Variants in IL17D observed in about 807,000 individuals in gnomAD.
IL17D encodes interleukin-17D.
IL17D carries 10 observed loss-of-function variants against 5.7 expected under a neutral mutation model. The ratio of observed to expected loss-of-function variants is 1.75; its 90% CI spans 1.08 to 2.97. The LOEUF is 2.97. IL17D is among the 30% of genes most tolerant of loss of function. IL17D has a pLI of 0.00. For synonymous variants in IL17D, 172 were observed against 141.7 expected (o/e 1.21, Z -1.52); for missense variants, 354 against 292.7 (o/e 1.21, Z -1.53).
intron 1 of IL17D, among the ~76,000 whole-genome samples, chr13:20,706,567 A>G (rs1313296941): frequency 6.6e-6 from 1 of 152,248 alleles, no homozygotes; most frequent in Non-Finnish European, 1.5e-5. Flanking sequence ...ACTTAGGAAC[A>G]AGTGTTGTGG....
chr13:20,706,525 G>A (rs1167240867), intron 1 of IL17D, among the ~76,000 whole-genome samples: 6 of 152,266 alleles, frequency 3.9e-5, no homozygotes, highest in Non-Finnish European at 2.9e-5. Flanking sequence ...GGCTTGGGTT[G>A]TTGATGGTAT....
Position 20,716,480 on chromosome 13 carries a change from GA to G in IL17D, c.291-5152del, listed in dbSNP as rs2058680166. Among the ~76,000 whole-genome samples, 1 of 152,182 alleles carries G rather than the reference GA, an allele frequency of 6.6e-6. No individual in the cohort carries two copies. The highest frequency in any genetic ancestry group is 2.1e-4 in the South Asian group (1 of 4,828). Reference sequence around the variant, plus strand: ...TCTTTTCTAAGCATAAAACATTGGTGAAAATGTCACATGATCAGTCCTGCCG... The same window carrying G: ...TCTTTTCTAAGCATAAAACATTGGTGAAATGTCACATGATCAGTCCTGCCG... On this transcript the variant is annotated intron_variant, in intron 1 of 1. Coordinates refer to ENST00000682841, the MANE Select transcript of IL17D (RefSeq NM_001385224.1). The surrounding 1 kb of genome is among the most constrained non-coding windows in gnomAD (Gnocchi z 4.2).
chr13:20,708,752 C>A (rs1243947381), intron 1 of IL17D, among the ~76,000 whole-genome samples: 1 of 150,190 alleles, frequency 6.7e-6, no homozygotes, highest in Non-Finnish European at 1.5e-5. Context: ...GTAATCCCAG[C>A]ACTTTGGGAG....
At chr13:20,705,915 A>T (rs1410010858) in intron 1 of IL17D, among the ~76,000 whole-genome samples, 4 of 152,182 alleles carry the variant, frequency 2.6e-5, no homozygotes, top group Non-Finnish European at 4.4e-5. Flanking sequence ...AGTGCTGTGG[A>T]GAGTCAGAGG....
intron 1 of IL17D, among the ~76,000 whole-genome samples, chr13:20,720,979 C>T (rs750744218): frequency 6.6e-6 from 1 of 151,808 alleles, no homozygotes; most frequent in Non-Finnish European, 1.5e-5. Context: ...GACTCTTCAC[C>T]TCCCAGGCGT....
chr13:20,705,064 G>A (rs2058580680), intron 1 of IL17D, among the ~76,000 whole-genome samples: 1 of 152,146 alleles, frequency 6.6e-6, no homozygotes, highest in South Asian at 2.1e-4. Flanking sequence ...AGTTGGGGGC[G>A]TGTAGGCAGG....
chr13:20,716,077 C>T lies in IL17D; in HGVS notation c.291-5559C>T, dbSNP rs552407487. ...CAGGAGTCCCATATAGGCCTCATGC[C>T]GGTGGTCTGAAAACCACATTTTGGA... On this transcript the variant is annotated intron_variant, in intron 1 of 1. Transcript: ENST00000682841. This position sits in a 1 kb window ranked among gnomAD's most constrained non-coding sequence, Gnocchi z 4.2. 11 of 985,168 alleles carry T rather than the reference C, an allele frequency of 1.1e-5. No individual in the cohort carries two copies. Among genetic ancestry groups the T allele is most frequent in the Admixed American group, 6.1e-5 (1 of 16,288 alleles). The allele number at this position is 985,168 out of a possible 1,614,324, so 61.0% of individuals were successfully genotyped here.
chr13:20,704,484 G>T (rs1429597158), intron 1 of IL17D, among the ~76,000 whole-genome samples, 193 bp downstream of exon 1: 1 of 128,568 alleles, frequency 7.8e-6, no homozygotes, highest in Non-Finnish European at 1.7e-5. Flanking sequence ...GTGGGGTGGT[G>T]CGGGGCGAGA....
chr13:20,703,979 C>T lies in IL17D; in HGVS notation c.-23C>T. 3 of 1,006,330 alleles carry T rather than the reference C, an allele frequency of 3.0e-6. No individual in the cohort carries two copies. The highest frequency in any genetic ancestry group is 3.5e-6 in the Non-Finnish European group (3 of 845,384). The allele number at this position is 1,006,330 out of a possible 1,614,324, so 62.3% of individuals were successfully genotyped here. A position where few individuals can be genotyped will look rare whatever the true frequency, so the allele number is the denominator to read the frequency against. On this transcript the variant is annotated 5_prime_UTR_variant, in exon 1 of 2. Transcript: ENST00000682841. ...TCCTCCGGCGCGTGCGGACGCTGAG[C>T]GTGGCCTGTCCCTCAGGTCTGGATG...
At position 20,704,163 on chromosome 13, in the gene IL17D, C is replaced by T; in HGVS notation, c.162C>T (p.Phe54=). The change falls in exon 1 of 2, where the codon TTC becomes TTT. Residue 54 remains phenylalanine (F), a synonymous_variant. Transcript: ENST00000682841. ...GRLAAGVLSA[F]HHTLQLGPRE... ...TGGCGGCCGGCGTGCTCAGTGCCTTCCACCACACGCTGCAGCTGGGGCCGC... is the reference window on the plus strand; with the variant it reads ...TGGCGGCCGGCGTGCTCAGTGCCTTTCACCACACGCTGCAGCTGGGGCCGC... The T allele has an allele frequency of 1.5e-6, 2 of 1,372,270 alleles. No individual in the cohort carries two copies. The highest frequency in any genetic ancestry group is 1.5e-5 in the South Asian group (1 of 68,638). 85.0% of individuals were successfully genotyped at this position (1,372,270 alleles called of 1,614,324 possible).
intron 1 of IL17D, among the ~76,000 whole-genome samples, chr13:20,719,331 ACACT>A (rs907566368): frequency 2.2e-5 from 3 of 133,562 alleles, no homozygotes; most frequent in East Asian, 2.4e-4. Context: ...TCAGATGCCC[ACACT>A]CACCCACACA....
upstream of IL17D, chr13:20,703,424 C>T (rs1052632233): frequency 5.5e-4 from 546 of 985,692 alleles, 1 homozygote; most frequent in Non-Finnish European, 6.4e-4. Flanking sequence ...GCTCAGTCGG[C>T]TTCTCGGTCC....
upstream of IL17D, chr13:20,702,935 T>C (rs1156232666): frequency 6.6e-6 from 1 of 152,220 alleles, no homozygotes; most frequent in Non-Finnish European, 1.5e-5. Flanking sequence ...TCCCTCTGGG[T>C]TTGAGCGCAT....
chr13:20,708,738 G>A (rs949177742), intron 1 of IL17D, among the ~76,000 whole-genome samples: 5 of 150,512 alleles, frequency 3.3e-5, no homozygotes, highest in Non-Finnish European at 1.5e-5. Flanking sequence ...GGTGGCTCAC[G>A]CCTGTAATCC....
chr13:20,704,289 C>A lies in IL17D; in HGVS notation c.288C>A (p.Tyr96Ter). The A allele has an allele frequency of 8.2e-7, 1 of 1,216,668 alleles. No individual in the cohort carries two copies. Among genetic ancestry groups the A allele is most frequent in the South Asian group, 2.9e-5 (1 of 34,642 alleles). The allele number at this position is 1,216,668 out of a possible 1,614,324, so 75.4% of individuals were successfully genotyped here. A position where few individuals can be genotyped will look rare whatever the true frequency, so the allele number is the denominator to read the frequency against. The change falls in exon 1 of 2, where the codon TAC (tyrosine) becomes TAA (stop). Residue 96 changes from tyrosine to a stop codon, truncating the protein, a stop_gained and splice_region_variant. Transcript: ENST00000682841. LOFTEE classifies it high-confidence loss of function. ...TNLRSVSPWA[Y>*]RISYDPARYP... is the part of the protein sequence containing the mutation. ...TGCGCAGCGTGTCGCCCTGGGCCTA[C>A]AGGTGAGCCGCGGGCGCGTCCTGGC...
intron 1 of IL17D, among the ~76,000 whole-genome samples, chr13:20,706,611 A>G (rs2058593826): frequency 6.6e-6 from 1 of 152,242 alleles, no homozygotes; most frequent in Non-Finnish European, 1.5e-5. Context: ...AAGCCTGTTG[A>G]GTTTTGCCTG....
chr13:20,710,577 T>C (rs976522987), intron 1 of IL17D, among the ~76,000 whole-genome samples: 23 of 132,348 alleles, frequency 1.7e-4, no homozygotes, highest in African/African-American at 5.5e-4. Context: ...TGCGGTGAGC[T>C]GAGATCGCGC....
chr13:20,718,708 AC>A lies in IL17D; in HGVS notation c.291-2927del, dbSNP rs560732148. ...CCCACTTACACGCCCACGCTCACACACACCTGCCCACTTACACACATGGCTA... is the reference window on the plus strand; with the variant it reads ...CCCACTTACACGCCCACGCTCACACAACCTGCCCACTTACACACATGGCTA... On this transcript the variant is annotated intron_variant, in intron 1 of 1. Transcript: ENST00000682841. Among the ~76,000 whole-genome samples the A allele has an allele frequency of 9.1e-5, 10 of 110,364 alleles. No individual in the cohort carries two copies. In the South Asian group the frequency reaches 2.6e-3, roughly 28 times the overall value. The allele number at this position is 110,364 out of a possible 152,430, so 72.4% of individuals were successfully genotyped here. A position where few individuals can be genotyped will look rare whatever the true frequency, so the allele number is the denominator to read the frequency against.
At chr13:20,702,941 C>G (rs1473292273), upstream of IL17D, 2 of 152,254 alleles carry the variant, frequency 1.3e-5, no homozygotes, top group Admixed American at 6.5e-5. Flanking sequence ...TGGGTTTGAG[C>G]GCATTCCTCT....
Sources: allele counts gnomAD v4.1 joint callset (sites outside exome capture counted in the v4.1 genomes callset), GRCh38; gene constraint gnomAD v4.1.1; non-coding constraint Gnocchi (gnomAD v3.1); transcripts MANE v1.5; gene names NCBI Gene and HGNC (gene_info 2026-07-23, HGNC 2026-07-21).